Variants in PRKG1 observed in about 807,000 individuals in gnomAD.
PRKG1 encodes cGMP-dependent protein kinase 1.
In PRKG1, 35 loss-of-function variants were observed where a neutral mutation model predicts 88.1. The ratio of observed to expected loss-of-function variants is 0.40; its 90% CI spans 0.30 to 0.53. The LOEUF is 0.53. PRKG1 is among the 20% of genes least tolerant of loss of function. The pLI, the probability that PRKG1 is intolerant of heterozygous loss-of-function variation, is 0.59. For synonymous variants in PRKG1, 303 were observed against 292.5 expected (o/e 1.04, Z -0.37); for missense variants, 540 against 839.8 (o/e 0.64, Z 4.41).
At chr10:52,023,180 C>T (rs1247328653) in intron 5 of PRKG1, among the ~76,000 whole-genome samples, 1 of 152,088 alleles carries the variant, frequency 6.6e-6, no homozygotes, top group Non-Finnish European at 1.5e-5. Context: ...GGTTTTCTGT[C>T]TTGTGTTAGT....
At chr10:51,439,664 C>G (rs999117980) in intron 2 of PRKG1, among the ~76,000 whole-genome samples, 1 of 151,880 alleles carries the variant, frequency 6.6e-6, no homozygotes, top group Non-Finnish European at 1.5e-5. Flanking sequence ...AAAGAACACC[C>G]TAAAATTTTG....
rs190487419 is a variant in PRKG1 at position 51,661,886 on chromosome 10, A to T, written c.593-142699A>T. Among the ~76,000 whole-genome samples, 1,235 of 152,324 alleles carry T rather than the reference A, an allele frequency of 8.1e-3. 4 individuals carry two copies. The highest frequency in any genetic ancestry group is 0.012 in the Non-Finnish European group (797 of 68,026). The stretch of plus-strand genomic sequence containing the variant: ...AAATGTGGCACATATACACCATGGA[A>T]TACTATGCAGTCATAAAAGGATGAG... On this transcript the variant is annotated intron_variant, in intron 3 of 17. Coordinates refer to ENST00000373980, the MANE Select transcript of PRKG1 (RefSeq NM_006258.4).
chr10:51,025,253 C>A (rs892719601), intron 1 of PRKG1, among the ~76,000 whole-genome samples: 1 of 152,196 alleles, frequency 6.6e-6, no homozygotes, highest in African/African-American at 2.4e-5. Flanking sequence ...CCTCCCCCAG[C>A]TTTATCCTCT....
chr10:51,589,633 CA>C (rs899888504), intron 3 of PRKG1, among the ~76,000 whole-genome samples: 1 of 151,298 alleles, frequency 6.6e-6, no homozygotes, highest in East Asian at 1.9e-4. Flanking sequence ...AAAAATGAAA[CA>C]AAAAAAAGAA....
intron 3 of PRKG1, among the ~76,000 whole-genome samples, chr10:51,523,720 T>G (rs552370150): frequency 6.6e-6 from 1 of 152,316 alleles, no homozygotes; most frequent in South Asian, 2.1e-4. Context: ...TGGCCTCTGC[T>G]TTCTCTAAAT....
intron 2 of PRKG1, among the ~76,000 whole-genome samples, chr10:51,339,727 C>A (rs1841961553): frequency 6.6e-6 from 1 of 151,858 alleles, no homozygotes; most frequent in African/African-American, 2.4e-5. Context: ...TGTAATTAAA[C>A]ATTATTCTAC....
At chr10:51,674,049 C>G (rs926551333) in intron 3 of PRKG1, among the ~76,000 whole-genome samples, 3 of 152,148 alleles carry the variant, frequency 2.0e-5, no homozygotes, top group African/African-American at 7.2e-5. Context: ...TTGGAGAATA[C>G]CAAGAGACTT....
At chr10:51,014,170 T>G (rs919229177) in intron 1 of PRKG1, among the ~76,000 whole-genome samples, 1 of 152,234 alleles carries the variant, frequency 6.6e-6, no homozygotes, top group African/African-American at 2.4e-5. Context: ...GTATGTTGCA[T>G]CTTCTCTTCC....
chr10:51,359,844 G>C (rs972148089), intron 2 of PRKG1, among the ~76,000 whole-genome samples: 1 of 151,858 alleles, frequency 6.6e-6, no homozygotes, highest in Non-Finnish European at 1.5e-5. Flanking sequence ...ATAATTTATA[G>C]AACTAGTTCT....
chr10:51,546,544 T>A (rs899958696), intron 3 of PRKG1, among the ~76,000 whole-genome samples: 8 of 152,142 alleles, frequency 5.3e-5, no homozygotes, highest in African/African-American at 1.9e-4. Context: ...AGCCTGTATA[T>A]GCTACAAATA....
At chr10:52,233,785 G>A (rs1466035078) in intron 9 of PRKG1, among the ~76,000 whole-genome samples, 2 of 151,812 alleles carry the variant, frequency 1.3e-5, no homozygotes, top group Non-Finnish European at 2.9e-5. Context: ...AAAGCAGCCG[G>A]GAAGCTCGAA....
chr10:51,021,466 G>A (rs537333942), intron 1 of PRKG1, among the ~76,000 whole-genome samples: 1 of 152,094 alleles, frequency 6.6e-6, no homozygotes, highest in Middle Eastern at 3.2e-3. Context: ...TATTCAGTGT[G>A]TCTCTCCATC....
chr10:51,533,020 A>C (rs1384524917), intron 3 of PRKG1, among the ~76,000 whole-genome samples: 2 of 152,202 alleles, frequency 1.3e-5, no homozygotes, highest in Non-Finnish European at 2.9e-5. Context: ...CCAAAGATGG[A>C]GAACCTGACA....
At chr10:52,109,324 A>G (rs1362644545) in intron 7 of PRKG1, among the ~76,000 whole-genome samples, 1 of 152,236 alleles carries the variant, frequency 6.6e-6, no homozygotes, top group Non-Finnish European at 1.5e-5. Context: ...AAAAGAACAC[A>G]TGCAGCTTCT....
intron 1 of PRKG1, among the ~76,000 whole-genome samples, chr10:51,055,422 T>G (rs1267985742): frequency 6.6e-6 from 1 of 152,206 alleles, no homozygotes. Context: ...TTATTCATTA[T>G]AATCTTATAA....
intron 3 of PRKG1, among the ~76,000 whole-genome samples, chr10:51,798,172 A>T (rs1324528038): frequency 6.6e-6 from 1 of 151,954 alleles, no homozygotes; most frequent in East Asian, 1.9e-4. Flanking sequence ...TCAGAAGTAA[A>T]ATTTCTGAAT....
intron 5 of PRKG1, among the ~76,000 whole-genome samples, chr10:51,965,747 A>G (rs771306856): frequency 6.6e-6 from 1 of 152,186 alleles, no homozygotes; most frequent in African/African-American, 2.4e-5. Flanking sequence ...AAAAATTACA[A>G]TTGAGAATAT....
intron 2 of PRKG1, among the ~76,000 whole-genome samples, chr10:51,176,682 A>G (rs1837203932): frequency 1.3e-5 from 2 of 152,144 alleles, no homozygotes; most frequent in Admixed American, 1.3e-4. Flanking sequence ...GGTGACAGGG[A>G]TGCTGATCTA....
chr10:51,703,640 G>T (rs1368597177), intron 3 of PRKG1, among the ~76,000 whole-genome samples: 1 of 152,084 alleles, frequency 6.6e-6, no homozygotes, highest in Non-Finnish European at 1.5e-5. Context: ...CAATACAGCA[G>T]TGAAAACAAT....
Sources: gnomAD v4.1 joint callset for allele counts (sites outside exome capture counted in the v4.1 genomes callset) on GRCh38, gnomAD v4.1.1 for gene constraint, MANE v1.5 for transcripts, NCBI Gene and HGNC (gene_info 2026-07-23, HGNC 2026-07-21) for gene names.